ARPP21: variants seen among roughly 807,000 people sequenced by gnomAD.
ARPP21 encodes cAMP-regulated phosphoprotein 21.
A neutral mutation model predicts 113.2 loss-of-function variants in ARPP21; 69 were observed. The ratio of observed to expected loss-of-function variants is 0.61; its 90% CI spans 0.50 to 0.74. The LOEUF (loss-of-function observed/expected upper bound fraction) is 0.74. Ranked by LOEUF, ARPP21 falls within the 30% of genes least tolerant of loss-of-function variation. The pLI is 0.00. For synonymous variants in ARPP21, 368 were observed against 375.5 expected (o/e 0.98, Z 0.23); for missense variants, 1,070 against 1,037.4 (o/e 1.03, Z -0.43).
At chr3:35,784,309 T>G (rs1309317971) in intron 19 of ARPP21, among the ~76,000 whole-genome samples, 1 of 152,212 alleles carries the variant, frequency 6.6e-6, no homozygotes, top group Admixed American at 6.5e-5. Flanking sequence ...GAGCCAAATG[T>G]TTAAAAACCA....
At position 35,666,359 on chromosome 3, in the gene ARPP21, A is replaced by C. The variant is rs969530534; in HGVS notation, c.-212-13428A>C. Among the ~76,000 whole-genome samples the C allele has an allele frequency of 3.9e-5, 6 of 152,320 alleles. 1 individual carries two copies. In the Middle Eastern group the frequency reaches 0.014, roughly 345 times the overall value. On this transcript the variant is annotated intron_variant, in intron 1 of 20. Transcript: ENST00000684406. ...TATCCCTGAATTCTTAAGAAATTTT[A>C]GCCCAAGTCATATTGCAAAATTATT...
chr3:35,749,323 G>A (rs899160911), intron 19 of ARPP21, among the ~76,000 whole-genome samples: 4 of 148,338 alleles, frequency 2.7e-5, no homozygotes, highest in Non-Finnish European at 5.9e-5. Context: ...ACAAAAAAGA[G>A]TTCCTTTTAA....
intron 19 of ARPP21, chr3:35,744,685 T>C (rs2094906781): frequency 1.0e-5 from 3 of 299,764 alleles, no homozygotes; most frequent in African/African-American, 6.8e-5. Flanking sequence ...CTAATTGTCA[T>C]GCTGAAGACT....
chr3:35,677,267 G>T (rs2077749784), intron 1 of ARPP21, among the ~76,000 whole-genome samples: 1 of 151,428 alleles, frequency 6.6e-6, no homozygotes, highest in African/African-American at 2.4e-5. Flanking sequence ...TGATTAATAT[G>T]TGTAATACAC....
chr3:35,697,985 G>A (rs1365898526), intron 9 of ARPP21, among the ~76,000 whole-genome samples: 2 of 151,574 alleles, frequency 1.3e-5, no homozygotes, highest in Admixed American at 1.3e-4. Flanking sequence ...TGAGTGGTTG[G>A]TTGGCATCCT....
chr3:35,725,285 G>A (rs897307500), intron 14 of ARPP21, among the ~76,000 whole-genome samples: 2 of 152,178 alleles, frequency 1.3e-5, no homozygotes, highest in Non-Finnish European at 2.9e-5. Flanking sequence ...CTAAGAAAGA[G>A]CTTCCTGGAT....
Position 35,721,649 on chromosome 3 carries a change from G to A in ARPP21, c.1040G>A (p.Ser347Asn). 4 of 1,613,882 alleles carry A rather than the reference G, an allele frequency of 2.5e-6. No individual in the cohort carries two copies. The highest frequency in any genetic ancestry group is 3.4e-6 in the Non-Finnish European group (4 of 1,179,850). ...GSGRTSGSRQ[S>N]SSENELKWSD... Reference sequence around the variant, plus strand: ...GGGAGAACATCTGGGAGTCGACAGAGCAGCTCAGAAAATGAACTCAAGTGG... The same window carrying A: ...GGGAGAACATCTGGGAGTCGACAGAACAGCTCAGAAAATGAACTCAAGTGG... The change falls in exon 14 of 21, where the codon AGC becomes AAC. Residue 347 changes from serine (S) to asparagine (N), a missense_variant. Physicochemically the swap from Ser to Asn is conservative, Grantham distance 46 (BLOSUM62 1). Transcript: ENST00000684406.
intron 1 of ARPP21, among the ~76,000 whole-genome samples, chr3:35,672,000 A>G (rs1437605899): frequency 6.6e-6 from 1 of 152,022 alleles, no homozygotes; most frequent in Non-Finnish European, 1.5e-5. Context: ...TATCTTTTCC[A>G]TTGTCTCTGT....
Position 35,682,763 on chromosome 3 carries a change from T to TC in ARPP21, c.130-85_130-84insC, listed in dbSNP as rs200381726. On this transcript the variant is annotated intron_variant, in intron 3 of 20. Coordinates refer to ENST00000684406, the MANE Select transcript of ARPP21 (RefSeq NM_001385562.1). ...CGGTAGTGACATTTTTCTCTCTTTCTTTCTCTCTCTCTCTCGGTTGTTGAT... is the reference window on the plus strand; with the variant it reads ...CGGTAGTGACATTTTTCTCTCTTTCTCTTCTCTCTCTCTCTCGGTTGTTGAT... 4.1e-3 allele frequency: 4,136 copies of TC among 1,019,810 alleles called. 85 individuals are homozygous for TC. The African/African-American group carries it at 0.055, about 13-fold the overall frequency. 63.2% of individuals were successfully genotyped at this position (1,019,810 alleles called of 1,614,324 possible).
chr3:35,762,532 A>T (rs549194643), intron 19 of ARPP21, among the ~76,000 whole-genome samples: 1 of 151,998 alleles, frequency 6.6e-6, no homozygotes, highest in Non-Finnish European at 1.5e-5. Flanking sequence ...CTTATTTCTG[A>T]TAAATATTGG....
chr3:35,667,052 G>T (rs1026523222), intron 1 of ARPP21, among the ~76,000 whole-genome samples: 1 of 152,076 alleles, frequency 6.6e-6, no homozygotes, highest in Admixed American at 6.6e-5. Context: ...TTTAGGCTCT[G>T]CCTCACCCCT....
At chr3:35,673,367 G>A (rs1027662209) in intron 1 of ARPP21, among the ~76,000 whole-genome samples, 1 of 151,778 alleles carries the variant, frequency 6.6e-6, no homozygotes. Flanking sequence ...ATTCTTTTGC[G>A]CCCCTAGAAA....
intron 19 of ARPP21, among the ~76,000 whole-genome samples, chr3:35,758,627 A>C (rs73061112): frequency 0.03 from 4,594 of 151,972 alleles, 109 homozygotes; most frequent in Middle Eastern, 0.086. Flanking sequence ...CTCCTTCCCC[A>C]GCACCCTTCA....
intron 19 of ARPP21, among the ~76,000 whole-genome samples, chr3:35,779,982 G>C (rs2096483816): frequency 6.6e-6 from 1 of 152,152 alleles, no homozygotes; most frequent in African/African-American, 2.4e-5. Flanking sequence ...CTTGCCCAGA[G>C]GCAAAGGGGA....
intron 1 of ARPP21, among the ~76,000 whole-genome samples, chr3:35,644,054 T>C (rs928496692): frequency 6.6e-6 from 1 of 152,032 alleles, no homozygotes; most frequent in Admixed American, 6.6e-5. Flanking sequence ...ACTTGTATTT[T>C]ATTTTTTATT....
chr3:35,660,718 A>G (rs1440597626), intron 1 of ARPP21, among the ~76,000 whole-genome samples: 1 of 152,192 alleles, frequency 6.6e-6, no homozygotes, highest in Non-Finnish European at 1.5e-5. Flanking sequence ...AGTAAGGAGA[A>G]TGACTAACTT....
At chr3:35,675,272 G>T (rs1337247318) in intron 1 of ARPP21, among the ~76,000 whole-genome samples, 4 of 151,634 alleles carry the variant, frequency 2.6e-5, no homozygotes, top group Admixed American at 6.6e-5. Context: ...TGCCTGTATG[G>T]GTTATGGAAG....
intron 1 of ARPP21, among the ~76,000 whole-genome samples, chr3:35,653,932 G>A (rs1478274771): frequency 6.6e-6 from 1 of 151,914 alleles, no homozygotes; most frequent in Non-Finnish European, 1.5e-5. Context: ...TAAATTTGGA[G>A]GGTTGTCACA....
intron 19 of ARPP21, among the ~76,000 whole-genome samples, chr3:35,746,000 C>T (rs1481001703): frequency 1.3e-5 from 2 of 152,090 alleles, no homozygotes; most frequent in Non-Finnish European, 2.9e-5. Flanking sequence ...CCTAGGGTGT[C>T]AAGGAAGTGA....
Sources: gnomAD v4.1 joint callset for allele counts (sites outside exome capture counted in the v4.1 genomes callset) on GRCh38, gnomAD v4.1.1 for gene constraint, MANE v1.5 for transcripts, NCBI Gene and HGNC (gene_info 2026-07-23, HGNC 2026-07-21) for gene names.